UTY: variants seen among roughly 807,000 people sequenced by gnomAD.
The protein encoded by UTY is ubiquitously transcribed tetratricopeptide repeat containing, Y-linked.
In UTY, 12 loss-of-function variants were observed where a neutral mutation model predicts 32.5. The observed-to-expected ratio is 0.37, with a 90% CI of 0.24 to 0.60. The LOEUF (loss-of-function observed/expected upper bound fraction) is 0.60, where lower values mean the gene tolerates loss of function less well. Ranked by LOEUF, UTY falls within the 20% of genes least tolerant of loss-of-function variation. UTY has a pLI of 0.69. For missense variants in UTY, 303 were observed against 299.2 expected, an observed-to-expected ratio of 1.01 and a Z score of -0.09; for synonymous variants, 131 against 103.4, an observed-to-expected ratio of 1.27 and a Z score of -1.62.
At chrY:13,262,598 CTT>C (rs2055386481) in intron 27 of UTY, among the ~76,000 whole-genome samples, 2 of 17,982 alleles carry the variant, frequency 1.1e-4, no homozygotes, top group Admixed American at 1.2e-3. Context: ...GAGTTTCGCT[CTT>C]GTTACCCAGG....
At chrY:13,426,713 C>G in intron 4 of UTY, among the ~76,000 whole-genome samples, 1 of 32,647 alleles carries the variant, frequency 3.1e-5, no homozygotes, top group African/African-American at 1.2e-4. Flanking sequence ...AACTGCCAAC[C>G]ACAAATACTG....
chrY:13,247,994 A>C, downstream of UTY, among the ~76,000 whole-genome samples: 1 of 33,813 alleles, frequency 3.0e-5, no homozygotes, highest in Non-Finnish European at 7.4e-5. Context: ...ATTTCTGAAC[A>C]AGAAAATTTA....
intron 1 of UTY, 39 bp downstream of exon 1, chrY:13,479,475 G>C: frequency 1.0e-5 from 4 of 398,393 alleles, no homozygotes; most frequent in Non-Finnish European, 1.4e-5. Context: ...TTCCCGGAGA[G>C]TATCGCCAGC....
intron 4 of UTY, among the ~76,000 whole-genome samples, chrY:13,441,966 A>G (rs2075230590): frequency 2.9e-5 from 1 of 34,070 alleles, no homozygotes; most frequent in Non-Finnish European, 7.3e-5. Flanking sequence ...GATTGCAGAG[A>G]GAATAATGAA....
chrY:13,479,235 T>C lies in UTY; in HGVS notation c.216+19A>G. 1 of 396,534 alleles carries C rather than the reference T, an allele frequency of 2.5e-6. No individual in the cohort carries two copies. The highest frequency in any genetic ancestry group is 3.5e-6 in the Non-Finnish European group (1 of 281,787). On this transcript the variant is annotated intron_variant, in intron 2 of 29. Transcript: ENST00000545955. ...AGAGCAAAGTGCGGACCAAAGACTTTGCGTCTGGTTGCTTTTACCTTGCCT... is the reference window on the plus strand; with the variant it reads ...AGAGCAAAGTGCGGACCAAAGACTTCGCGTCTGGTTGCTTTTACCTTGCCT...
intron 21 of UTY, among the ~76,000 whole-genome samples, chrY:13,313,281 C>T: frequency 3.0e-5 from 1 of 33,678 alleles, no homozygotes; most frequent in South Asian, 6.6e-4. Flanking sequence ...AAAAGTCCAT[C>T]AAGAGTTTTG....
At chrY:13,295,591 T>C (rs1603333497) in intron 27 of UTY, among the ~76,000 whole-genome samples, 1 of 33,975 alleles carries the variant, frequency 2.9e-5, no homozygotes, top group East Asian at 7.6e-4. Context: ...AACTCGAAAG[T>C]CCAGTCTCAC....
chrY:13,417,812 G>A, intron 4 of UTY, among the ~76,000 whole-genome samples: 1 of 33,417 alleles, frequency 3.0e-5, no homozygotes, highest in Non-Finnish European at 7.4e-5. Flanking sequence ...TTTATGGGGC[G>A]CATTTTAAAT....
chrY:13,458,788 T>TG (rs2077103533), intron 3 of UTY, among the ~76,000 whole-genome samples: 1 of 33,000 alleles, frequency 3.0e-5, no homozygotes, highest in Non-Finnish European at 7.4e-5. Flanking sequence ...AAGGATAGAC[T>TG]GGATTAAGAA....
intron 4 of UTY, among the ~76,000 whole-genome samples, chrY:13,445,553 TA>T (rs2075667329): frequency 3.4e-3 from 84 of 24,588 alleles, no homozygotes; most frequent in African/African-American, 0.012. Flanking sequence ...TAAACTACTC[TA>T]AAAAAAAAAA....
At chrY:13,379,762 T>A in intron 8 of UTY, among the ~76,000 whole-genome samples, 1 of 28,512 alleles carries the variant, frequency 3.5e-5, no homozygotes, top group Non-Finnish European at 8.2e-5. Context: ...CTGTCCTGTA[T>A]CAACACGGGG....
chrY:13,383,040 C>A, intron 8 of UTY, among the ~76,000 whole-genome samples: 2 of 33,073 alleles, frequency 6.0e-5, no homozygotes, highest in Non-Finnish European at 1.5e-4. Flanking sequence ...GTGGTTTATG[C>A]CTACAATCCC....
At chrY:13,380,061 G>GTGTA (rs2065940563) in intron 8 of UTY, among the ~76,000 whole-genome samples, 1 of 3,634 alleles carries the variant, frequency 2.8e-4, no homozygotes, top group Non-Finnish European at 4.2e-4. Context: ...GTGTGTGTGT[G>GTGTA]TATATATATA....
At chrY:13,399,735 A>C in intron 6 of UTY, among the ~76,000 whole-genome samples, 1 of 33,371 alleles carries the variant, frequency 3.0e-5, no homozygotes, top group Non-Finnish European at 7.4e-5. Flanking sequence ...AGGGGTTTAG[A>C]ATATGTCACC....
chrY:13,350,715 G>A, intron 17 of UTY, among the ~76,000 whole-genome samples: 4 of 32,293 alleles, frequency 1.2e-4, no homozygotes, highest in African/African-American at 4.9e-4. Context: ...CAGACAGCCC[G>A]CACCCTGGGC....
At chrY:13,274,986 G>T in intron 27 of UTY, among the ~76,000 whole-genome samples, 1 of 31,923 alleles carries the variant, frequency 3.1e-5, no homozygotes, top group Non-Finnish European at 7.6e-5. Flanking sequence ...GAATTATTTG[G>T]GGTCGCATAC....
At chrY:13,352,325 T>C in intron 17 of UTY, among the ~76,000 whole-genome samples, 1 of 33,321 alleles carries the variant, frequency 3.0e-5, no homozygotes, top group Non-Finnish European at 7.4e-5. Context: ...TTTTAATTTT[T>C]TGAAACAGGG....
intron 27 of UTY, among the ~76,000 whole-genome samples, chrY:13,273,279 C>T (rs2056419738): frequency 3.0e-5 from 1 of 33,678 alleles, no homozygotes; most frequent in African/African-American, 1.2e-4. Flanking sequence ...GTTAACCTCC[C>T]TCTAAAGTTT....
intron 18 of UTY, among the ~76,000 whole-genome samples, chrY:13,328,851 G>A (rs9786218): frequency 0.16 from 5,212 of 32,796 alleles, no homozygotes; most frequent in African/African-American, 0.6. Context: ...CTTTAAGAAC[G>A]CATTTTATTA....
Sources: gnomAD v4.1 joint callset for allele counts (sites outside exome capture counted in the v4.1 genomes callset) on GRCh38, gnomAD v4.1.1 for gene constraint, MANE v1.5 for transcripts, NCBI Gene and HGNC (gene_info 2026-07-23, HGNC 2026-07-21) for gene names.